Variants in ZDHHC20 observed in about 807,000 individuals in gnomAD.
ZDHHC20 encodes the protein zDHHC palmitoyltransferase 20.
Under a neutral mutation model 57.8 loss-of-function variants are expected in ZDHHC20, and 43 were observed. The ratio of observed to expected loss-of-function variants is 0.74; its 90% CI spans 0.58 to 0.96. The LOEUF is 0.96. Ranked by LOEUF, ZDHHC20 falls within the 40% of genes least tolerant of loss-of-function variation. The pLI is 0.00. For synonymous variants in ZDHHC20, 157 were observed against 153.0 expected (o/e 1.03, Z -0.19); for missense variants, 391 against 441.1 (o/e 0.89, Z 1.02).
chr13:21,423,616 G>C (rs1165549375), intron 2 of ZDHHC20, among the ~76,000 whole-genome samples: 1 of 151,916 alleles, frequency 6.6e-6, no homozygotes, highest in South Asian at 2.1e-4. Flanking sequence ...AAATGTTGCA[G>C]TGAGCCGAGA....
chr13:21,374,728 C>A lies in ZDHHC20; in HGVS notation c.*1968G>T. On this transcript the variant is annotated 3_prime_UTR_variant, in exon 13 of 13. Transcript: ENST00000400590. The stretch of plus-strand genomic sequence containing the variant: ...ATTAGTATGGCTGATGGAAATTAGG[C>A]CAAATTATAAACAAATTATAAACCT... 4.3e-6 allele frequency: 1 copy of A among 233,328 alleles called. No individual in the cohort carries two copies. Among genetic ancestry groups the A allele is most frequent in the Non-Finnish European group, 8.7e-6 (1 of 114,430 alleles). The allele number at this position is 233,328 out of a possible 1,614,324, so 14.5% of individuals were successfully genotyped here. A position where few individuals can be genotyped will look rare whatever the true frequency, so the allele number is the denominator to read the frequency against.
intron 11 of ZDHHC20, 50 bp downstream of exon 11, chr13:21,381,384 T>C (rs1275146816): frequency 7.4e-7 from 1 of 1,355,878 alleles, no homozygotes; most frequent in South Asian, 1.2e-5. Context: ...TTATATCTGG[T>C]GCTTTTCATT....
chr13:21,449,364 A>G (rs910477285), intron 1 of ZDHHC20, among the ~76,000 whole-genome samples: 9 of 152,138 alleles, frequency 5.9e-5, no homozygotes, highest in Non-Finnish European at 1.2e-4. Flanking sequence ...ATGGGGTGGG[A>G]GTCTAAAATC....
chr13:21,447,117 A>T (rs1313902831), intron 1 of ZDHHC20, among the ~76,000 whole-genome samples: 2 of 151,868 alleles, frequency 1.3e-5, no homozygotes, highest in Non-Finnish European at 2.9e-5. Flanking sequence ...GTTTACAAGG[A>T]TACTACAATA....
chr13:21,432,720 T>C (rs1035561158), intron 1 of ZDHHC20, among the ~76,000 whole-genome samples: 2 of 152,082 alleles, frequency 1.3e-5, no homozygotes, highest in African/African-American at 4.8e-5. Flanking sequence ...CCGCCTACCA[T>C]GGCCTCCCAA....
intron 2 of ZDHHC20, 35 bp downstream of exon 2, chr13:21,425,617 G>A (rs1243363488): frequency 1.7e-6 from 2 of 1,186,226 alleles, no homozygotes; most frequent in African/African-American, 1.6e-5. Flanking sequence ...ATATCATTAA[G>A]CATTTAACTT....
intron 1 of ZDHHC20, among the ~76,000 whole-genome samples, chr13:21,440,642 G>A (rs564328918): frequency 9.1e-6 from 1 of 109,340 alleles, no homozygotes; most frequent in Non-Finnish European, 2.4e-5. Context: ...GTGTGTGTGT[G>A]TGTGTGTATA....
At chr13:21,398,267 A>G (rs1877105196) in intron 7 of ZDHHC20, among the ~76,000 whole-genome samples, 1 of 152,132 alleles carries the variant, frequency 6.6e-6, no homozygotes, top group Admixed American at 6.5e-5. Context: ...GATCGAGACC[A>G]TCCTGGCTAA....
At chr13:21,458,580 G>A (rs1885115112) in intron 1 of ZDHHC20, among the ~76,000 whole-genome samples, 1 of 152,012 alleles carries the variant, frequency 6.6e-6, no homozygotes, top group African/African-American at 2.4e-5. Context: ...CCCCCAACCC[G>A]CCACAGCCGG....
intron 1 of ZDHHC20, among the ~76,000 whole-genome samples, chr13:21,452,064 G>T (rs1033768105): frequency 6.6e-6 from 1 of 151,310 alleles, no homozygotes; most frequent in Non-Finnish European, 1.5e-5. Flanking sequence ...ATTTTTCTTG[G>T]TTTTTATGCT....
chr13:21,432,830 T>G (rs1882128971), intron 1 of ZDHHC20, among the ~76,000 whole-genome samples: 1 of 152,220 alleles, frequency 6.6e-6, no homozygotes, highest in Non-Finnish European at 1.5e-5. Context: ...TGAGGTTAAT[T>G]TTTTTACATA....
chr13:21,432,204 C>T lies in ZDHHC20; in HGVS notation c.119-6526G>A, dbSNP rs558684070. Among the ~76,000 whole-genome samples, 88 of 152,000 alleles carry T rather than the reference C, an allele frequency of 5.8e-4. No individual in the cohort carries two copies. In the South Asian group the frequency reaches 1.0e-2, roughly 17 times the overall value. On this transcript the variant is annotated intron_variant, in intron 1 of 12. Coordinates refer to ENST00000400590, the MANE Select transcript of ZDHHC20 (RefSeq NM_001330059.2). Reference sequence around the variant, plus strand: ...TTTTTCAGACAGAATCTCGCTCTGTCGCCCAGGCTGGAGTGCAGTGGTGCG... The same window carrying T: ...TTTTTCAGACAGAATCTCGCTCTGTTGCCCAGGCTGGAGTGCAGTGGTGCG...
At chr13:21,425,885 TAC>T (rs1207929483) in intron 1 of ZDHHC20, among the ~76,000 whole-genome samples, 3 of 152,340 alleles carry the variant, frequency 2.0e-5, no homozygotes, top group South Asian at 2.1e-4. Context: ...TCATTAACGC[TAC>T]AGTCACACTA....
intron 11 of ZDHHC20, among the ~76,000 whole-genome samples, chr13:21,380,772 C>G (rs1288492838): frequency 1.4e-5 from 2 of 147,734 alleles, no homozygotes; most frequent in Non-Finnish European, 3.0e-5. Flanking sequence ...AGCCTGGTGA[C>G]AGAGCGAAAT....
At chr13:21,408,300 C>T (rs916690618) in intron 4 of ZDHHC20, among the ~76,000 whole-genome samples, 1 of 152,160 alleles carries the variant, frequency 6.6e-6, no homozygotes, top group Non-Finnish European at 1.5e-5. Flanking sequence ...TTTCCTTGAG[C>T]AGTGGTTTGT....
chr13:21,458,534 C>A (rs566326665), intron 1 of ZDHHC20, among the ~76,000 whole-genome samples: 93 of 152,290 alleles, frequency 6.1e-4, no homozygotes, highest in African/African-American at 2.1e-3. Context: ...TCTGACCCGC[C>A]TCCAGCCCGA....
At chr13:21,379,717 A>G (rs925379665) in intron 11 of ZDHHC20, among the ~76,000 whole-genome samples, 3 of 152,122 alleles carry the variant, frequency 2.0e-5, no homozygotes, top group Non-Finnish European at 2.9e-5. Context: ...GAAAATTCCC[A>G]CTTCAATTTT....
At position 21,392,535 on chromosome 13, in the gene ZDHHC20, T is replaced by C. The variant is rs149824143; in HGVS notation, c.595-681A>G. ...CTTTGTGCATAGTTAGCAATTTTGA[T>C]AAATAAATTTACCACAGGTATTAAT... On this transcript the variant is annotated intron_variant, in intron 7 of 12. Transcript: ENST00000400590. 2.3e-3 allele frequency among the ~76,000 whole-genome samples: 357 copies of C among 152,358 alleles called. 4 individuals are homozygous for C. Among genetic ancestry groups the C allele is most frequent in the African/African-American group, 8.0e-3 (333 of 41,580 alleles).
chr13:21,383,324 C>T (rs185419131), intron 9 of ZDHHC20, among the ~76,000 whole-genome samples: 99 of 152,236 alleles, frequency 6.5e-4, no homozygotes, highest in African/African-American at 2.2e-3. Context: ...CAAGATCTGA[C>T]GGTTTTATAA....
Sources: gnomAD v4.1 joint callset for allele counts (sites outside exome capture counted in the v4.1 genomes callset) on GRCh38, gnomAD v4.1.1 for gene constraint, MANE v1.5 for transcripts, NCBI Gene and HGNC (gene_info 2026-07-23, HGNC 2026-07-21) for gene names.